PIK3AP1: variants seen among roughly 807,000 people sequenced by gnomAD.
The protein encoded by PIK3AP1 is phosphoinositide-3-kinase adaptor protein 1.
A neutral mutation model predicts 88.1 loss-of-function variants in PIK3AP1; 21 were observed. The observed-to-expected ratio is 0.24, with a 90% CI of 0.17 to 0.34. PIK3AP1 has a LOEUF of 0.34. PIK3AP1 is among the 10% of genes least tolerant of loss of function. The pLI is 1.00. For missense variants in PIK3AP1, 828 were observed against 1,035.7 expected (o/e 0.80, Z 2.75); for synonymous variants, 398 against 400.0 (o/e 1.00, Z 0.06).
intron 9 of PIK3AP1, 63 bp from the exon 10 acceptor site, chr10:96,626,968 T>A: frequency 1.4e-6 from 2 of 1,462,818 alleles, no homozygotes; most frequent in Non-Finnish European, 9.6e-7. Context: ...TCATCAGTCA[T>A]AAAGCAGAGT....
chr10:96,685,519 G>C (rs1397691238), intron 2 of PIK3AP1, among the ~76,000 whole-genome samples: 1 of 152,228 alleles, frequency 6.6e-6, no homozygotes, highest in Non-Finnish European at 1.5e-5. Context: ...CAAGGAAAGA[G>C]GGGAGATGTG....
intron 13 of PIK3AP1, among the ~76,000 whole-genome samples, chr10:96,616,434 C>G (rs1849216298): frequency 6.6e-6 from 1 of 152,162 alleles, no homozygotes; most frequent in Non-Finnish European, 1.5e-5. Flanking sequence ...TCTTATGTAC[C>G]AGGTACCAGA....
At chr10:96,618,915 A>G (rs1291910807) in intron 12 of PIK3AP1, 1 of 152,238 alleles carries the variant, frequency 6.6e-6, no homozygotes, top group African/African-American at 2.4e-5. Context: ...TGATTCCTGC[A>G]TTCAGCTCTC....
chr10:96,687,837 C>T (rs972835047), intron 2 of PIK3AP1, among the ~76,000 whole-genome samples: 1 of 152,176 alleles, frequency 6.6e-6, no homozygotes, highest in African/African-American at 2.4e-5. Flanking sequence ...TTCCTTCCTC[C>T]GCATGAACTG....
chr10:96,648,600 G>A, intron 7 of PIK3AP1, 59 bp downstream of exon 7: 2 of 1,509,526 alleles, frequency 1.3e-6, no homozygotes, highest in Non-Finnish European at 1.8e-6. Context: ...GGGTGAAAGG[G>A]CAGCCATACT....
At chr10:96,693,435 A>G (rs61856802) in intron 2 of PIK3AP1, among the ~76,000 whole-genome samples, 1 of 71,606 alleles carries the variant, frequency 1.4e-5, no homozygotes, top group Non-Finnish European at 2.6e-5. Flanking sequence ...TTGGATAGAT[A>G]GATGAGTGGA....
At chr10:96,714,789 T>C (rs1711695643) in intron 1 of PIK3AP1, among the ~76,000 whole-genome samples, 1 of 152,098 alleles carries the variant, frequency 6.6e-6, no homozygotes, top group Non-Finnish European at 1.5e-5. Context: ...ATAAATAAAA[T>C]AATATTGAAT....
In PIK3AP1 at chr10:96,595,629, G is replaced by A. The variant is rs1261866966; in HGVS notation, c.2366C>T (p.Pro789Leu). 14 of 1,613,052 alleles carry A rather than the reference G, an allele frequency of 8.7e-6. No homozygotes were observed. The highest frequency in any genetic ancestry group is 5.3e-5 in the African/African-American group (4 of 75,002). ...AGGAGGATGGAAGGTCTCCCTGGTC[G>A]GAGGCCTAAAATGAAAGATAAGGCA... ...VPPRAASQRPPTRETFHPPPP... is the reference protein window; with the variant it reads ...VPPRAASQRPLTRETFHPPPP... Residue 789 changes from proline (P) to leucine (L), a missense_variant, in exon 17 of 17, where the codon CCG (proline) becomes CTG (leucine). Coordinates refer to ENST00000339364, the MANE Select transcript of PIK3AP1 (RefSeq NM_152309.3).
chr10:96,640,708 A>C (rs1218540302), intron 8 of PIK3AP1, among the ~76,000 whole-genome samples: 1 of 151,826 alleles, frequency 6.6e-6, no homozygotes, highest in Non-Finnish European at 1.5e-5. Context: ...ACCAGGCTGG[A>C]ATGCAGTGGT....
At chr10:96,611,619 G>A (rs1168253090) in intron 13 of PIK3AP1, among the ~76,000 whole-genome samples, 3 of 152,018 alleles carry the variant, frequency 2.0e-5, no homozygotes, top group Non-Finnish European at 2.9e-5. Context: ...ACAGGCACGC[G>A]CCACCATGCC....
At chr10:96,647,438 T>C (rs1006738458) in intron 7 of PIK3AP1, among the ~76,000 whole-genome samples, 1 of 152,262 alleles carries the variant, frequency 6.6e-6, no homozygotes, top group East Asian at 1.9e-4. Flanking sequence ...TACTAGTTAC[T>C]ACTATGAACA....
At chr10:96,715,946 T>A (rs1844496864) in intron 1 of PIK3AP1, among the ~76,000 whole-genome samples, 2 of 151,106 alleles carry the variant, frequency 1.3e-5, no homozygotes, top group Non-Finnish European at 2.9e-5. Flanking sequence ...CTCCTATATT[T>A]AAAAAACAAA....
intron 2 of PIK3AP1, among the ~76,000 whole-genome samples, chr10:96,691,153 GC>G (rs1375094575): frequency 6.6e-6 from 1 of 152,142 alleles, no homozygotes; most frequent in African/African-American, 2.4e-5. Context: ...CAATACATTA[GC>G]CTTTCAAAGC....
intron 2 of PIK3AP1, among the ~76,000 whole-genome samples, chr10:96,675,047 C>T (rs915953415): frequency 6.6e-6 from 1 of 152,174 alleles, no homozygotes. Context: ...CATGTGTCAC[C>T]ACGCCCAGCT....
chr10:96,651,431 C>T (rs1023362710), intron 5 of PIK3AP1, 51 bp from the exon 6 acceptor site: 3 of 1,613,934 alleles, frequency 1.9e-6, no homozygotes, highest in South Asian at 1.1e-5. Context: ...TCTCTTCCAT[C>T]CCGCAGATTC....
At chr10:96,707,017 A>T (rs1564990650) in intron 2 of PIK3AP1, among the ~76,000 whole-genome samples, 1 of 152,218 alleles carries the variant, frequency 6.6e-6, no homozygotes, top group Non-Finnish European at 1.5e-5. Flanking sequence ...AACTGCAAAG[A>T]TATCCCACTA....
chr10:96,679,477 G>C (rs542933975), intron 2 of PIK3AP1, among the ~76,000 whole-genome samples: 1 of 151,708 alleles, frequency 6.6e-6, no homozygotes, highest in Non-Finnish European at 1.5e-5. Flanking sequence ...GCAGTAAGCC[G>C]AGATCTCGCT....
At position 96,653,479 on chromosome 10, in the gene PIK3AP1, C is replaced by CTTTTTT. The variant is rs748930022; in HGVS notation, c.568-643_568-638dup. Among the ~76,000 whole-genome samples, 15 of 61,862 alleles carry CTTTTTT rather than the reference C, an allele frequency of 2.4e-4. 1 individual carries two copies. The highest frequency in any genetic ancestry group is 5.6e-4 in the Admixed American group (2 of 3,546). The allele number at this position is 61,862 out of a possible 152,430, so 40.6% of individuals were successfully genotyped here. On this transcript the variant is annotated intron_variant, in intron 3 of 16. Transcript: ENST00000339364. ...AACCTTAAGGCCGATACTTTATACA[C>CTTTTTT]TTTTTTTTTTTTTTTTTTTTTTTTT...
At chr10:96,693,412 G>T (rs992628804) in intron 2 of PIK3AP1, among the ~76,000 whole-genome samples, 12 of 152,164 alleles carry the variant, frequency 7.9e-5, no homozygotes, top group African/African-American at 2.2e-4. Context: ...TGGATAGATG[G>T]AAAGATGAAT....
Sources: gnomAD v4.1 joint callset for allele counts (sites outside exome capture counted in the v4.1 genomes callset) on GRCh38, gnomAD v4.1.1 for gene constraint, MANE v1.5 for transcripts, NCBI Gene and HGNC (gene_info 2026-07-23, HGNC 2026-07-21) for gene names.